The following PRKN variants were observed in gnomAD, a reference collection of about 807,000 sequenced individuals.
The protein encoded by PRKN is parkin RBR E3 ubiquitin protein ligase.
PRKN carries 56 observed loss-of-function variants against 59.5 expected under a neutral mutation model. That is an observed-to-expected ratio of 0.94 (90% CI 0.76 to 1.18). PRKN has a LOEUF of 1.18. Among genes scored for constraint, PRKN ranks in the 50% most tolerant of loss-of-function variants. PRKN has a pLI of 0.00. For missense variants in PRKN, 657 were observed against 596.4 expected (o/e 1.10, Z -1.06); for synonymous variants, 250 against 222.1 (o/e 1.13, Z -1.12).
chr6:161,634,012 A>ACG (rs1319470953), intron 7 of PRKN, among the ~76,000 whole-genome samples: 71 of 150,786 alleles, frequency 4.7e-4, no homozygotes, highest in African/African-American at 1.6e-3. Context: ...ACACACACAC[A>ACG]CACACACACA....
chr6:161,779,217 G>C (rs1790083856), intron 7 of PRKN, among the ~76,000 whole-genome samples: 1 of 151,964 alleles, frequency 6.6e-6, no homozygotes, highest in Non-Finnish European at 1.5e-5. Context: ...TGGGATTATA[G>C]GCATGAGCCA....
chr6:162,223,002 TC>T (rs1778000625), intron 3 of PRKN, among the ~76,000 whole-genome samples: 1 of 93,324 alleles, frequency 1.1e-5, no homozygotes, highest in African/African-American at 4.2e-5. Context: ...ATGCTATCCC[TC>T]CCCCCTCCCC....
At chr6:162,266,520 T>C (rs1436955930) in intron 2 of PRKN, 1 of 151,632 alleles carries the variant, frequency 6.6e-6, no homozygotes, top group African/African-American at 2.4e-5. Context: ...AATGAAGGAG[T>C]GAATGAATCA....
intron 1 of PRKN, among the ~76,000 whole-genome samples, chr6:162,454,987 C>T (rs971781728): frequency 2.0e-5 from 3 of 152,094 alleles, no homozygotes; most frequent in Non-Finnish European, 2.9e-5. Flanking sequence ...GTTTTCAGCA[C>T]GTGGGTTGAG....
chr6:162,319,215 G>C (rs1305243722), intron 2 of PRKN, among the ~76,000 whole-genome samples: 4 of 152,002 alleles, frequency 2.6e-5, no homozygotes, highest in African/African-American at 9.7e-5. Flanking sequence ...CTGTACATTA[G>C]AATTGTCTAG....
chr6:161,713,931 C>T (rs748584138), intron 7 of PRKN, among the ~76,000 whole-genome samples: 12 of 152,162 alleles, frequency 7.9e-5, no homozygotes, highest in African/African-American at 1.7e-4. Flanking sequence ...CCCCTGCACA[C>T]GCTCTCTTGC....
At chr6:162,354,559 T>C (rs1784763457) in intron 2 of PRKN, among the ~76,000 whole-genome samples, 1 of 152,076 alleles carries the variant, frequency 6.6e-6, no homozygotes, top group Non-Finnish European at 1.5e-5. Flanking sequence ...TAAGATGGCA[T>C]TTCCACCTCT....
intron 7 of PRKN, among the ~76,000 whole-genome samples, chr6:161,620,497 C>T (rs1037390941): frequency 6.6e-6 from 1 of 152,092 alleles, no homozygotes; most frequent in Non-Finnish European, 1.5e-5. Flanking sequence ...GGAATTATGT[C>T]GGATGTAGGT....
chr6:161,992,858 T>C (rs1781702048), intron 5 of PRKN, among the ~76,000 whole-genome samples: 1 of 152,148 alleles, frequency 6.6e-6, no homozygotes, highest in South Asian at 2.1e-4. Flanking sequence ...TGAATGACCA[T>C]TAGGTCAAGG....
intron 1 of PRKN, among the ~76,000 whole-genome samples, chr6:162,611,953 AG>A (rs1459458525): frequency 6.6e-6 from 1 of 152,068 alleles, no homozygotes; most frequent in Non-Finnish European, 1.5e-5. Context: ...TGGGAGGCCA[AG>A]GCGGGCGTAT....
At chr6:162,579,603 TCA>T (rs934010586) in intron 1 of PRKN, among the ~76,000 whole-genome samples, 33 of 150,818 alleles carry the variant, frequency 2.2e-4, no homozygotes, top group African/African-American at 4.7e-4. Flanking sequence ...GTGCACAGAT[TCA>T]CACACACAGA....
chr6:161,608,093 C>T (rs1010567442), intron 7 of PRKN, among the ~76,000 whole-genome samples: 4 of 152,106 alleles, frequency 2.6e-5, no homozygotes, highest in Admixed American at 6.5e-5. Flanking sequence ...ACAATGTGGA[C>T]GACAGTGCCC....
At chr6:162,027,237 G>A (rs1421622625) in intron 5 of PRKN, among the ~76,000 whole-genome samples, 1 of 152,010 alleles carries the variant, frequency 6.6e-6, no homozygotes, top group Non-Finnish European at 1.5e-5. Context: ...ATACTTCATA[G>A]GAATTCATCT....
At chr6:162,293,948 G>T (rs9347613) in intron 2 of PRKN, among the ~76,000 whole-genome samples, 7,057 of 152,206 alleles carry the variant, frequency 0.046, 268 homozygotes, top group African/African-American at 0.099. Flanking sequence ...AAAGTGCTGG[G>T]ATTACAGGCA....
chr6:162,389,266 G>A (rs1787037732), intron 2 of PRKN, among the ~76,000 whole-genome samples: 1 of 152,100 alleles, frequency 6.6e-6, no homozygotes, highest in Non-Finnish European at 1.5e-5. Context: ...GCTTAATCCT[G>A]TTGAAAGAAG....
chr6:161,352,769 ATATTT>A lies in PRKN; in HGVS notation c.1286-2563_1286-2559del, dbSNP rs921565246. Among the ~76,000 whole-genome samples the A allele has an allele frequency of 5.9e-5, 7 of 119,446 alleles. No individual in the cohort carries two copies. The highest frequency in any genetic ancestry group is 3.1e-4 in the South Asian group (1 of 3,224). The allele number at this position is 119,446 out of a possible 152,430, so 78.4% of individuals were successfully genotyped here. A position where few individuals can be genotyped will look rare whatever the true frequency, so the allele number is the denominator to read the frequency against. On this transcript the variant is annotated intron_variant, in intron 11 of 11. Transcript: ENST00000366898. This position sits in a 1 kb window ranked among gnomAD's most constrained non-coding sequence, Gnocchi z 5.8. ...TGTGTGTGTGTGTATATATATATAT[ATATTT>A]TATTTTATTTTATTTTATTTTTTTG... is the stretch of plus-strand genomic sequence containing the variant.
intron 6 of PRKN, among the ~76,000 whole-genome samples, chr6:161,912,176 TAA>T (rs59096059): frequency 2.7e-4 from 34 of 125,708 alleles, no homozygotes; most frequent in East Asian, 4.7e-4. Context: ...GAATCTGTCC[TAA>T]AAAAAAAAAA....
chr6:161,988,182 A>T lies in PRKN; in HGVS notation c.619-14765T>A, dbSNP rs559888145. Among the ~76,000 whole-genome samples, 541 of 151,058 alleles carry T rather than the reference A, an allele frequency of 3.6e-3. 3 individuals carry two copies. The highest frequency in any genetic ancestry group is 9.0e-3 in the South Asian group (43 of 4,770). Reference sequence around the variant, plus strand: ...TCAGTTCTTCCAAAGGGGAAAAAAAATTTTTTTTTTAATCTAAAGAAAATT... The same window carrying T: ...TCAGTTCTTCCAAAGGGGAAAAAAATTTTTTTTTTTAATCTAAAGAAAATT... On this transcript the variant is annotated intron_variant, in intron 5 of 11. Coordinates refer to ENST00000366898, the MANE Select transcript of PRKN (RefSeq NM_004562.3).
At chr6:162,589,168 A>G (rs1034238119) in intron 1 of PRKN, among the ~76,000 whole-genome samples, 1 of 152,182 alleles carries the variant, frequency 6.6e-6, no homozygotes, top group African/African-American at 2.4e-5. Flanking sequence ...TGTTCTTTAC[A>G]TAGTCCCTTA....
Sources: allele counts gnomAD v4.1 joint callset (sites outside exome capture counted in the v4.1 genomes callset), GRCh38; gene constraint gnomAD v4.1.1; non-coding constraint Gnocchi (gnomAD v3.1); transcripts MANE v1.5; gene names NCBI Gene and HGNC (gene_info 2026-07-23, HGNC 2026-07-21).